Variants in ADAT2 observed in about 807,000 individuals in gnomAD.
The protein encoded by ADAT2 is tRNA-specific adenosine-34 deaminase catalytic subunit ADAT2.
In ADAT2, 26 loss-of-function variants were observed where a neutral mutation model predicts 25.9. The ratio of observed to expected loss-of-function variants is 1.00; its 90% confidence interval spans 0.74 to 1.39. ADAT2 has a LOEUF of 1.39. Ranked by LOEUF, ADAT2 falls within the 40% of genes most tolerant of loss-of-function variation. The pLI is 0.00. For synonymous variants in ADAT2, 76 were observed against 86.8 expected (o/e 0.88, Z 0.69); for missense variants, 220 against 244.8 (o/e 0.90, Z 0.68).
At chr6:143,449,196 T>A (rs961567306) in intron 1 of ADAT2, among the ~76,000 whole-genome samples, 5 of 152,144 alleles carry the variant, frequency 3.3e-5, no homozygotes, top group Non-Finnish European at 7.4e-5. Flanking sequence ...TACAGGCACA[T>A]GCCACCATGC....
intron 1 of ADAT2, among the ~76,000 whole-genome samples, chr6:143,441,039 T>C (rs1236687212): frequency 6.6e-6 from 1 of 152,152 alleles, no homozygotes; most frequent in Non-Finnish European, 1.5e-5. Context: ...GGGTCATAAA[T>C]GTCACTTCAG....
rs934896405 is a variant in ADAT2, at chr6:143,423,378, T to C, written c.*5085A>G. ...TTGATTTTTTTTCAATCACTCAGAA[T>C]TGTAAGACCCATTTTTAAGTCATGA... is the stretch of plus-strand genomic sequence containing the variant. On this transcript the variant is annotated 3_prime_UTR_variant, in exon 6 of 6. Transcript: ENST00000237283. 6.6e-6 allele frequency: 1 copy of C among 152,206 alleles called. No homozygotes were observed. Among genetic ancestry groups the C allele is most frequent in the Non-Finnish European group, 1.5e-5 (1 of 68,046 alleles). The allele number at this position is 152,206 out of a possible 1,614,324, so 9.4% of individuals were successfully genotyped here.
In ADAT2 at chr6:143,426,926, T is replaced by C. The variant is rs1210807261; in HGVS notation, c.*1537A>G. 2 of 151,978 alleles carry C rather than the reference T, an allele frequency of 1.3e-5. No homozygotes were observed. The highest frequency in any genetic ancestry group is 2.9e-5 in the Non-Finnish European group (2 of 68,008). The allele number at this position is 151,978 out of a possible 1,614,324, so 9.4% of individuals were successfully genotyped here. A position where few individuals can be genotyped will look rare whatever the true frequency, so the allele number is the denominator to read the frequency against. ...AATGAAATCTGCTTGCAGGAAAGCA[T>C]AAGAAGCCAGAAATGAATTACGACC... On this transcript the variant is annotated 3_prime_UTR_variant, in exon 6 of 6. Transcript: ENST00000237283. The surrounding 1 kb of genome is among the most constrained non-coding windows in gnomAD (Gnocchi z 4.1).
At chr6:143,445,140 T>G (rs906023105) in intron 1 of ADAT2, among the ~76,000 whole-genome samples, 1 of 151,634 alleles carries the variant, frequency 6.6e-6, no homozygotes, top group African/African-American at 2.4e-5. Flanking sequence ...ACTTTGGGGA[T>G]TTAAAAAGTG....
chr6:143,439,795 T>C (rs1320427282), intron 1 of ADAT2, among the ~76,000 whole-genome samples: 1 of 152,148 alleles, frequency 6.6e-6, no homozygotes, highest in Non-Finnish European at 1.5e-5. Context: ...TCAAAACAGA[T>C]TGAAGGATAC....
At position 143,446,615 on chromosome 6, in the gene ADAT2, A is replaced by G. The variant is rs2128743997; in HGVS notation, c.96+3948T>C. On this transcript the variant is annotated intron_variant, in intron 1 of 5. Transcript: ENST00000237283. This position sits in a 1 kb window ranked among gnomAD's most constrained non-coding sequence, Gnocchi z 5.0. ...TTAAATTACACAGTAGATACACAGT[A>G]TTCAGGTAAAGAAACTGAAAAGGAA... 6.6e-6 allele frequency among the ~76,000 whole-genome samples: 1 copy of G among 152,320 alleles called. No homozygotes were observed. Among genetic ancestry groups the G allele is most frequent in the Middle Eastern group, 3.4e-3 (1 of 294 alleles).
rs1779491304 is a variant in ADAT2 at position 143,442,488 on chromosome 6, C to G, written c.97-3794G>C. ...GCATAGGCACGCATACACACACACA[C>G]ACACACACACACACACACACACGTA... is the stretch of plus-strand genomic sequence containing the variant. On this transcript the variant is annotated intron_variant, in intron 1 of 5. Transcript: ENST00000237283. This position sits in a 1 kb window ranked among gnomAD's most constrained non-coding sequence, Gnocchi z 4.6. 6.6e-6 allele frequency among the ~76,000 whole-genome samples: 1 copy of G among 151,646 alleles called. No individual in the cohort carries two copies. The highest frequency in any genetic ancestry group is 1.5e-5 in the Non-Finnish European group (1 of 67,888).
In ADAT2 at chr6:143,437,514, T is replaced by C. The variant is rs981612924; in HGVS notation, c.201+1076A>G. Among the ~76,000 whole-genome samples, 3 of 152,222 alleles carry C rather than the reference T, an allele frequency of 2.0e-5. No individual in the cohort carries two copies. Among genetic ancestry groups the C allele is most frequent in the Non-Finnish European group, 4.4e-5 (3 of 68,024 alleles). ...AAGGATGTGAACATTTTGTCAAGCA[T>C]TGCAAATGAAATACCATGTTTATTC... On this transcript the variant is annotated intron_variant, in intron 2 of 5. Coordinates refer to ENST00000237283, the MANE Select transcript of ADAT2 (RefSeq NM_182503.3). This position sits in a 1 kb window ranked among gnomAD's most constrained non-coding sequence, Gnocchi z 4.1.
Position 143,444,887 on chromosome 6 carries a change from C to A in ADAT2, c.96+5676G>T. On this transcript the variant is annotated intron_variant, in intron 1 of 5. Transcript: ENST00000237283. The surrounding 1 kb of genome is among the most constrained non-coding windows in gnomAD (Gnocchi z 4.3). Reference sequence around the variant, plus strand: ...AGACATTACTACTATAAACTGCTTTCTAGTGATGTCATGATAAAAGGGGGA... The same window carrying A: ...AGACATTACTACTATAAACTGCTTTATAGTGATGTCATGATAAAAGGGGGA... 1 of 1,266,922 alleles carries A rather than the reference C, an allele frequency of 7.9e-7. No homozygotes were observed. Among genetic ancestry groups the A allele is most frequent in the Admixed American group, 2.4e-5 (1 of 42,304 alleles). The allele number at this position is 1,266,922 out of a possible 1,614,324, so 78.5% of individuals were successfully genotyped here. A position where few individuals can be genotyped will look rare whatever the true frequency, so the allele number is the denominator to read the frequency against.
In ADAT2 at chr6:143,434,802, T is replaced by C. The variant is rs1423921886; in HGVS notation, c.202-821A>G. ...TACTAAAATAGCTTAAAGTGAATCA[T>C]AGATTCTATATGGAATAATTATTTA... is the stretch of plus-strand genomic sequence containing the variant. On this transcript the variant is annotated intron_variant, in intron 2 of 5. Transcript: ENST00000237283. The surrounding 1 kb of genome is among the most constrained non-coding windows in gnomAD (Gnocchi z 4.5). Among the ~76,000 whole-genome samples, 1 of 152,216 alleles carries C rather than the reference T, an allele frequency of 6.6e-6. No individual in the cohort carries two copies. The highest frequency in any genetic ancestry group is 1.9e-4 in the East Asian group (1 of 5,202).
intron 1 of ADAT2, among the ~76,000 whole-genome samples, chr6:143,439,551 T>A (rs950406824): frequency 1.3e-5 from 2 of 152,164 alleles, no homozygotes; most frequent in Non-Finnish European, 2.9e-5. Flanking sequence ...ATGAGCCTCA[T>A]AGACATGCTA....
At position 143,450,549 on chromosome 6, in the gene ADAT2, C is replaced by T. The variant is rs1434592356; in HGVS notation, c.96+14G>A. The T allele has an allele frequency of 6.2e-7, 1 of 1,613,826 alleles. No homozygotes were observed. Among genetic ancestry groups the T allele is most frequent in the Non-Finnish European group, 8.5e-7 (1 of 1,179,940 alleles). ...AGGTCCCACCCCGCAGCATCTACCT[C>T]CCGGGCTCCTCACCATGTGCATCGC... On this transcript the variant is annotated intron_variant, in intron 1 of 5. Transcript: ENST00000237283.
At chr6:143,430,711 G>A (rs770723053) in intron 4 of ADAT2, among the ~76,000 whole-genome samples, 107 of 151,756 alleles carry the variant, frequency 7.1e-4, no homozygotes, top group Non-Finnish European at 1.2e-3. Flanking sequence ...GATCACAGGC[G>A]CCCGCCACCA....
rs1779024387 is a variant in ADAT2 at position 143,428,915 on chromosome 6, A to T, written c.460-231T>A. Among the ~76,000 whole-genome samples, 1 of 152,210 alleles carries T rather than the reference A, an allele frequency of 6.6e-6. No individual in the cohort carries two copies. The highest frequency in any genetic ancestry group is 1.5e-5 in the Non-Finnish European group (1 of 68,026). ...TAGGCATCACTCCCAATCAACTGTT[A>T]TTCATCCATTAACTATTATAGAAGT... On this transcript the variant is annotated intron_variant, in intron 4 of 5. Coordinates refer to ENST00000237283, the MANE Select transcript of ADAT2 (RefSeq NM_182503.3). This position sits in a 1 kb window ranked among gnomAD's most constrained non-coding sequence, Gnocchi z 5.0.
chr6:143,424,736 G>A lies in ADAT2; in HGVS notation c.*3727C>T, dbSNP rs1430069093. On this transcript the variant is annotated 3_prime_UTR_variant, in exon 6 of 6. Coordinates refer to ENST00000237283, the MANE Select transcript of ADAT2 (RefSeq NM_182503.3). This position sits in a 1 kb window ranked among gnomAD's most constrained non-coding sequence, Gnocchi z 4.8. Reference sequence around the variant, plus strand: ...ATCACTATTTAAAACATTCTTATTAGAAAAATTTTTTTTATCAATTTTGGC... The same window carrying A: ...ATCACTATTTAAAACATTCTTATTAAAAAAATTTTTTTTATCAATTTTGGC... 6.6e-6 allele frequency: 1 copy of A among 152,076 alleles called. No homozygotes were observed. The highest frequency in any genetic ancestry group is 1.5e-5 in the Non-Finnish European group (1 of 68,010). 9.4% of individuals were successfully genotyped at this position (152,076 alleles called of 1,614,324 possible). A position where few individuals can be genotyped will look rare whatever the true frequency, so the allele number is the denominator to read the frequency against.
chr6:143,447,705 G>T (rs149902066), intron 1 of ADAT2, among the ~76,000 whole-genome samples: 1 of 151,950 alleles, frequency 6.6e-6, no homozygotes, highest in African/African-American at 2.4e-5. Context: ...GGCATTACTG[G>T]ATCAAAGGAT....
chr6:143,429,076 C>T (rs1353435053), intron 4 of ADAT2, among the ~76,000 whole-genome samples: 4 of 152,218 alleles, frequency 2.6e-5, no homozygotes, highest in African/African-American at 9.6e-5. Context: ...CCAGGCACAT[C>T]ATAAGTGCTC....
Position 143,430,570 on chromosome 6 carries a change from A to AT in ADAT2, c.460-1887dup, listed in dbSNP as rs377184279. 5.6e-3 allele frequency among the ~76,000 whole-genome samples: 847 copies of AT among 150,286 alleles called. 3 individuals carry two copies. The highest frequency in any genetic ancestry group is 0.01 in the Middle Eastern group (3 of 294). Reference sequence around the variant, plus strand: ...TAATAAAAAGCAAACATTCATAATAATTTTTTTTTTTGAGACAGTCTCACT... The same window carrying AT: ...TAATAAAAAGCAAACATTCATAATAATTTTTTTTTTTTGAGACAGTCTCACT... On this transcript the variant is annotated intron_variant, in intron 4 of 5. Coordinates refer to ENST00000237283, the MANE Select transcript of ADAT2 (RefSeq NM_182503.3).
At chr6:143,447,943 A>G (rs1779643771) in intron 1 of ADAT2, among the ~76,000 whole-genome samples, 1 of 152,242 alleles carries the variant, frequency 6.6e-6, no homozygotes, top group African/African-American at 2.4e-5. Context: ...AGACACATGC[A>G]CAAGAATGTT....
Sources: gnomAD v4.1 joint callset for allele counts (sites outside exome capture counted in the v4.1 genomes callset) on GRCh38, gnomAD v4.1.1 for gene constraint, Gnocchi (gnomAD v3.1) non-coding constraint, MANE v1.5 for transcripts, NCBI Gene and HGNC (gene_info 2026-07-23, HGNC 2026-07-21) for gene names.